FAM13B: variants seen among roughly 807,000 people sequenced by gnomAD.
FAM13B encodes the protein family with sequence similarity 13 member B.
A neutral mutation model predicts 117.3 loss-of-function variants in FAM13B; 60 were observed. The observed-to-expected ratio is 0.51, with a 90% CI of 0.42 to 0.63. The LOEUF (loss-of-function observed/expected upper bound fraction) is 0.63, where lower values mean the gene tolerates loss of function less well. FAM13B is among the 30% of genes least tolerant of loss of function. FAM13B has a pLI of 0.00. For synonymous variants in FAM13B, 332 were observed against 356.1 expected (o/e 0.93, Z 0.76); for missense variants, 972 against 1,091.9 (o/e 0.89, Z 1.55).
chr5:138,043,492 T>C (rs912705941), intron 1 of FAM13B, among the ~76,000 whole-genome samples: 1 of 150,644 alleles, frequency 6.6e-6, no homozygotes, highest in African/African-American at 2.5e-5. Context: ...CAGGCCGAAG[T>C]GCAGTGGTGC....
intron 10 of FAM13B, among the ~76,000 whole-genome samples, chr5:137,967,026 T>C (rs2150352160): frequency 6.6e-6 from 1 of 151,918 alleles, no homozygotes; most frequent in East Asian, 1.9e-4. Flanking sequence ...ACCATAGAAG[T>C]ATTTTTTTAA....
chr5:137,940,906 A>T (rs747377797), intron 23 of FAM13B, among the ~76,000 whole-genome samples: 1 of 151,942 alleles, frequency 6.6e-6, no homozygotes, highest in Non-Finnish European at 1.5e-5. Context: ...TCTGCACTTC[A>T]ATTTATTTAT....
intron 1 of FAM13B, among the ~76,000 whole-genome samples, chr5:138,027,943 G>T (rs1452744175): frequency 6.6e-6 from 1 of 152,142 alleles, no homozygotes; most frequent in African/African-American, 2.4e-5. Context: ...CACTATGATT[G>T]TAAGTTTCCT....
chr5:138,050,433 G>A (rs571654290), intron 1 of FAM13B, among the ~76,000 whole-genome samples: 3,633 of 124,784 alleles, frequency 0.029, 133 homozygotes, highest in African/African-American at 0.095. Flanking sequence ...ATGAAACTCC[G>A]TCTCAAAACA....
At chr5:138,026,987 T>TAAATA (rs1423306120) in intron 1 of FAM13B, among the ~76,000 whole-genome samples, 1 of 138,392 alleles carries the variant, frequency 7.2e-6, no homozygotes, top group Non-Finnish European at 1.6e-5. Flanking sequence ...ATAAATAAAT[T>TAAATA]AGCGAAGTGT....
chr5:137,970,263 C>T (rs896022658), intron 10 of FAM13B, among the ~76,000 whole-genome samples: 7 of 151,952 alleles, frequency 4.6e-5, no homozygotes, highest in African/African-American at 1.7e-4. Flanking sequence ...GCGGATCTCT[C>T]AGCAGAAACT....
rs763417321 is a variant in FAM13B at position 137,953,413 on chromosome 5, G to C, written c.1771C>G (p.Pro591Ala). ...TGAAGTTTCTTGACCAGCTGATAAG[G>C]TGTTCTGTCCTCTCTCTTTTCATCT... ...SKDEKREDRTPYQLVKKLQKK... is the reference protein window; with the variant it reads ...SKDEKREDRTAYQLVKKLQKK... Residue 591 changes from proline to alanine, a missense_variant, in exon 16 of 24, where the codon CCT (proline) becomes GCT (alanine). Physicochemically the swap from Pro to Ala is conservative, Grantham distance 27 (BLOSUM62 -1). Transcript: ENST00000689681. The C allele has an allele frequency of 1.2e-6, 2 of 1,613,580 alleles. No homozygotes were observed. The highest frequency in any genetic ancestry group is 8.5e-7 in the Non-Finnish European group (1 of 1,179,724).
At position 138,007,052 on chromosome 5, in the gene FAM13B, T is replaced by C; in HGVS notation, c.786A>G (p.Pro262=). The stretch of plus-strand genomic sequence containing the variant: ...CAGTCATCCTTAATTGTACCACCTC[T>C]GGCATGTCATTTGATTTTTCTGCAC... ...EEGAEKSNDM[P]EVVQLRMTEN... Residue 262 remains proline (P), a synonymous_variant, in exon 7 of 24, where the codon CCA becomes CCG. Coordinates refer to ENST00000689681, the MANE Select transcript of FAM13B (RefSeq NM_001385994.1). 1 of 1,613,616 alleles carries C rather than the reference T, an allele frequency of 6.2e-7. No individual in the cohort carries two copies. The highest frequency in any genetic ancestry group is 1.1e-5 in the South Asian group (1 of 91,004).
chr5:138,049,334 C>A (rs1165272937), intron 1 of FAM13B, among the ~76,000 whole-genome samples: 2 of 151,780 alleles, frequency 1.3e-5, no homozygotes, highest in African/African-American at 4.8e-5. Flanking sequence ...AATACAATGG[C>A]GTGATCTCGG....
At chr5:137,942,801 C>A in intron 22 of FAM13B, 74 bp downstream of exon 22, 1 of 1,318,478 alleles carries the variant, frequency 7.6e-7, no homozygotes, top group South Asian at 1.5e-5. Context: ...CCTTAATACT[C>A]ATTTAACATC....
intron 7 of FAM13B, among the ~76,000 whole-genome samples, chr5:138,003,744 G>C (rs796513121): frequency 7.9e-5 from 12 of 152,238 alleles, no homozygotes; most frequent in African/African-American, 2.4e-4. Flanking sequence ...CCACCCCACA[G>C]CTATGTGCTC....
chr5:138,043,047 G>A (rs916447327), intron 1 of FAM13B, among the ~76,000 whole-genome samples: 7 of 152,170 alleles, frequency 4.6e-5, no homozygotes, highest in East Asian at 3.9e-4. Context: ...AGCTGAGATC[G>A]TGCCACTTCA....
chr5:138,005,968 G>C (rs574208250), intron 7 of FAM13B, among the ~76,000 whole-genome samples: 1 of 149,916 alleles, frequency 6.7e-6, no homozygotes, highest in Non-Finnish European at 1.5e-5. Context: ...GCGCGATCTC[G>C]ACTCACTGCA....
At chr5:137,962,374 T>C in intron 11 of FAM13B, 31 bp downstream of exon 11, 3 of 1,600,848 alleles carry the variant, frequency 1.9e-6, no homozygotes, top group Non-Finnish European at 2.6e-6. Flanking sequence ...ATTCTCAAAA[T>C]GATTAATTAG....
intron 7 of FAM13B, 78 bp downstream of exon 7, chr5:138,006,912 G>C: frequency 2.2e-6 from 3 of 1,338,024 alleles, no homozygotes; most frequent in Non-Finnish European, 3.0e-6. Context: ...GTTACAGTTT[G>C]TGTTTCTGAA....
chr5:138,028,917 G>C (rs1303134988), intron 1 of FAM13B, among the ~76,000 whole-genome samples: 1 of 152,206 alleles, frequency 6.6e-6, no homozygotes, highest in Non-Finnish European at 1.5e-5. Context: ...TACTTGGGAG[G>C]ATGAGGCAGG....
intron 7 of FAM13B, among the ~76,000 whole-genome samples, chr5:137,994,665 C>T (rs114824902): frequency 0.016 from 2,451 of 152,240 alleles, 25 homozygotes; most frequent in Non-Finnish European, 0.025. Context: ...TTCATTCAAC[C>T]CCTAGACAAG....
At chr5:138,038,613 C>T (rs1306810226) in intron 1 of FAM13B, 1 of 152,198 alleles carries the variant, frequency 6.6e-6, no homozygotes, top group Non-Finnish European at 1.5e-5. Flanking sequence ...GAGTGGAAAT[C>T]TTTCTGTGCC....
At chr5:137,971,776 G>T (rs1249826186) in intron 10 of FAM13B, among the ~76,000 whole-genome samples, 1 of 148,194 alleles carries the variant, frequency 6.7e-6, no homozygotes, top group Non-Finnish European at 1.5e-5. Context: ...ATGATAAAGG[G>T]GATATCACCA....
Sources: gnomAD v4.1 joint callset for allele counts (sites outside exome capture counted in the v4.1 genomes callset) on GRCh38, gnomAD v4.1.1 for gene constraint, MANE v1.5 for transcripts, NCBI Gene and HGNC (gene_info 2026-07-23, HGNC 2026-07-21) for gene names.